The following RNF24 variants were observed in gnomAD, a reference collection of about 807,000 sequenced individuals.
The protein encoded by RNF24 is ring finger protein 24.
A neutral mutation model predicts 20.0 loss-of-function variants in RNF24; 14 were observed. That is an observed-to-expected ratio of 0.70 (90% confidence interval 0.46 to 1.10). The LOEUF (loss-of-function observed/expected upper bound fraction) is 1.10, where lower values mean the gene tolerates loss of function less well. RNF24 is among the 50% of genes least tolerant of loss of function. The pLI, the probability that RNF24 is intolerant of heterozygous loss-of-function variation, is 0.00. For missense variants in RNF24, 124 were observed against 177.6 expected (o/e 0.70, Z 1.71); for synonymous variants, 45 against 61.1 (o/e 0.74, Z 1.23).
chr20:3,969,773 G>GTT (rs34975215), intron 1 of RNF24, among the ~76,000 whole-genome samples: 3,227 of 136,178 alleles, frequency 0.024, 118 homozygotes, highest in African/African-American at 0.072. Context: ...GCTGAAATCT[G>GTT]TTTTTTTTTT....
At chr20:4,003,406 G>A (rs62212673) in intron 1 of RNF24, among the ~76,000 whole-genome samples, 56,777 of 151,944 alleles carry the variant, frequency 0.37, 11,848 homozygotes, top group Non-Finnish European at 0.47. Context: ...TTTCTTTGGA[G>A]GTCAATTTTC....
chr20:4,010,574 T>G (rs1468229347), intron 1 of RNF24, among the ~76,000 whole-genome samples: 1 of 152,198 alleles, frequency 6.6e-6, no homozygotes, highest in Admixed American at 6.5e-5. Flanking sequence ...TCTTTTTTTG[T>G]CATTTCCTAA....
At chr20:4,013,429 T>TAAGC (rs1431859083) in intron 1 of RNF24, among the ~76,000 whole-genome samples, 1 of 152,200 alleles carries the variant, frequency 6.6e-6, no homozygotes, top group Non-Finnish European at 1.5e-5. Flanking sequence ...TCATCCAATA[T>TAAGC]AAGCGCCTCT....
At chr20:3,935,648 G>A (rs148997943) in intron 4 of RNF24, among the ~76,000 whole-genome samples, 1 of 152,326 alleles carries the variant, frequency 6.6e-6, no homozygotes, top group Non-Finnish European at 1.5e-5. Context: ...ATGAACATGT[G>A]CAGATGGGAC....
intron 1 of RNF24, among the ~76,000 whole-genome samples, chr20:3,996,198 G>A (rs1600707767): frequency 1.3e-5 from 2 of 152,140 alleles, no homozygotes; most frequent in East Asian, 3.9e-4. Flanking sequence ...CAGACTCACT[G>A]GAAAAATTTA....
At chr20:3,953,987 C>T (rs2091112957) in intron 2 of RNF24, among the ~76,000 whole-genome samples, 1 of 151,562 alleles carries the variant, frequency 6.6e-6, no homozygotes, top group South Asian at 2.1e-4. Context: ...GAACTCCTGA[C>T]CTCAGGTGAT....
chr20:3,998,574 CAAAAAAAAA>C (rs34012774), intron 1 of RNF24, among the ~76,000 whole-genome samples: 11 of 31,338 alleles, frequency 3.5e-4, no homozygotes, highest in South Asian at 2.3e-3. Context: ...GACTCTATCT[CAAAAAAAAA>C]AAAAAAAAAA....
At chr20:3,947,334 A>G (rs1202803139) in intron 3 of RNF24, among the ~76,000 whole-genome samples, 1 of 152,250 alleles carries the variant, frequency 6.6e-6, no homozygotes, top group East Asian at 1.9e-4. Context: ...TAAGAATTTC[A>G]TGCTTAGAGC....
At chr20:3,986,784 G>C (rs777343453) in intron 1 of RNF24, among the ~76,000 whole-genome samples, 2 of 151,894 alleles carry the variant, frequency 1.3e-5, no homozygotes, top group Non-Finnish European at 2.9e-5. Flanking sequence ...AAGTAGCTGG[G>C]ACTACAGGCA....
Position 3,943,932 on chromosome 20 carries a change from G to A in RNF24, c.228+1245C>T, listed in dbSNP as rs559615758. ...AAAAGTAAAAAATCAAACAGTGGCC[G>A]GCTGCCGTGGCTCACGCTTGTAATC... is the stretch of plus-strand genomic sequence containing the variant. On this transcript the variant is annotated intron_variant, in intron 4 of 5. Coordinates refer to ENST00000358395, the MANE Select transcript of RNF24 (RefSeq NM_001134337.3). Among the ~76,000 whole-genome samples the A allele has an allele frequency of 3.9e-5, 6 of 152,212 alleles. No individual in the cohort carries two copies. The South Asian group carries it at 1.2e-3, about 32-fold the overall frequency.
intron 1 of RNF24, among the ~76,000 whole-genome samples, chr20:3,979,186 TAACA>T: frequency 6.6e-6 from 1 of 151,718 alleles, no homozygotes; most frequent in Admixed American, 6.6e-5. Context: ...CTTTGTGTCT[TAACA>T]AAGAAAACAC....
chr20:3,944,791 C>T (rs928761193), intron 4 of RNF24, among the ~76,000 whole-genome samples: 2 of 152,172 alleles, frequency 1.3e-5, no homozygotes, highest in African/African-American at 2.4e-5. Context: ...AATCCCTACC[C>T]CCATGAGATA....
At chr20:3,983,355 T>C (rs1468896078) in intron 1 of RNF24, among the ~76,000 whole-genome samples, 2 of 152,198 alleles carry the variant, frequency 1.3e-5, no homozygotes, top group African/African-American at 4.8e-5. Flanking sequence ...TATTTGCCTA[T>C]ACGTATTATA....
Position 3,934,918 on chromosome 20 carries a change from G to A in RNF24, c.308+76C>T. On this transcript the variant is annotated intron_variant, in intron 5 of 5. Transcript: ENST00000358395. The surrounding 1 kb of genome is among the most constrained non-coding windows in gnomAD (Gnocchi z 4.0). ...GAAGCCATCAAGCTTGTCTGGCACTGCCCTAAAACCCAAAAGAAGTTGGTT... is the reference window on the plus strand; with the variant it reads ...GAAGCCATCAAGCTTGTCTGGCACTACCCTAAAACCCAAAAGAAGTTGGTT... 2.5e-6 allele frequency: 3 copies of A among 1,198,382 alleles called. No individual in the cohort carries two copies. Among genetic ancestry groups the A allele is most frequent in the Non-Finnish European group, 3.7e-6 (3 of 806,710 alleles). The allele number at this position is 1,198,382 out of a possible 1,614,324, so 74.2% of individuals were successfully genotyped here. A position where few individuals can be genotyped will look rare whatever the true frequency, so the allele number is the denominator to read the frequency against.
chr20:3,953,508 A>C, intron 2 of RNF24, among the ~76,000 whole-genome samples: 1 of 139,618 alleles, frequency 7.2e-6, no homozygotes, highest in Non-Finnish European at 1.5e-5. Context: ...TCTGTTGCCC[A>C]GGCTGGAATG....
intron 1 of RNF24, among the ~76,000 whole-genome samples, chr20:3,980,485 A>G (rs191180361): frequency 1.2e-4 from 18 of 152,204 alleles, no homozygotes; most frequent in Admixed American, 5.2e-4. Context: ...TCATTACACT[A>G]CTCAGAATGG....
intron 1 of RNF24, among the ~76,000 whole-genome samples, chr20:3,989,948 G>A (rs1189793831): frequency 5.9e-5 from 9 of 152,096 alleles, no homozygotes; most frequent in Non-Finnish European, 1.2e-4. Context: ...CCTAGCCTAC[G>A]CTGGCAGATA....
chr20:3,985,920 T>C (rs1181708090), intron 1 of RNF24, among the ~76,000 whole-genome samples: 1 of 152,076 alleles, frequency 6.6e-6, no homozygotes. Flanking sequence ...GTATTTTTAA[T>C]AGAGATGGGG....
chr20:3,968,666 T>C (rs563568899), intron 1 of RNF24, among the ~76,000 whole-genome samples: 2 of 152,288 alleles, frequency 1.3e-5, no homozygotes, highest in African/African-American at 4.8e-5. Context: ...CTTTGTTATT[T>C]ATTGAGTATC....
Sources: gnomAD v4.1 joint callset for allele counts (sites outside exome capture counted in the v4.1 genomes callset) on GRCh38, gnomAD v4.1.1 for gene constraint, Gnocchi (gnomAD v3.1) non-coding constraint, MANE v1.5 for transcripts, NCBI Gene and HGNC (gene_info 2026-07-23, HGNC 2026-07-21) for gene names.